The following NAF1 variants were observed in gnomAD, a reference collection of about 807,000 sequenced individuals.
NAF1 encodes the protein H/ACA ribonucleoprotein complex non-core subunit NAF1.
In NAF1, 11 loss-of-function variants were observed where a neutral mutation model predicts 40.6. That is an observed-to-expected ratio of 0.27 (90% CI 0.17 to 0.45). The LOEUF (loss-of-function observed/expected upper bound fraction) is 0.45. NAF1 is among the 20% of genes least tolerant of loss of function. The pLI is 1.00. For synonymous variants in NAF1, 260 were observed against 228.5 expected (o/e 1.14, Z -1.24); for missense variants, 607 against 611.1 (o/e 0.99, Z 0.07).
chr4:163,115,592 T>G (rs1462669857), intron 2 of NAF1, among the ~76,000 whole-genome samples: 1 of 152,106 alleles, frequency 6.6e-6, no homozygotes, highest in African/African-American at 2.4e-5. Context: ...ATAGTATTCT[T>G]AATTTTATTT....
At chr4:163,117,363 T>C (rs1002242130) in intron 2 of NAF1, 3 of 152,126 alleles carry the variant, frequency 2.0e-5, no homozygotes, top group African/African-American at 4.8e-5. Context: ...GACTGACCAA[T>C]AATAAGCACA....
At chr4:163,121,179 C>T (rs1730508852) in intron 2 of NAF1, among the ~76,000 whole-genome samples, 1 of 152,148 alleles carries the variant, frequency 6.6e-6, no homozygotes, top group Non-Finnish European at 1.5e-5. Context: ...GTGTGAGCCA[C>T]CCCGCCCAGC....
chr4:163,166,844 C>T lies in NAF1; in HGVS notation c.-117G>A. Reference sequence around the variant, plus strand: ...CCGCAGCAACACTGCCTGGGCCCAACTTCCCGCGTTTCTCAGGTAACTACA... The same window carrying T: ...CCGCAGCAACACTGCCTGGGCCCAATTTCCCGCGTTTCTCAGGTAACTACA... On this transcript the variant is annotated 5_prime_UTR_variant, in exon 1 of 8. Transcript: ENST00000274054. 1 of 1,383,596 alleles carries T rather than the reference C, an allele frequency of 7.2e-7. No homozygotes were observed. The allele number at this position is 1,383,596 out of a possible 1,614,324, so 85.7% of individuals were successfully genotyped here. A position where few individuals can be genotyped will look rare whatever the true frequency, so the allele number is the denominator to read the frequency against.
At chr4:163,153,608 C>A (rs1322676044) in intron 2 of NAF1, among the ~76,000 whole-genome samples, 1 of 152,118 alleles carries the variant, frequency 6.6e-6, no homozygotes, top group African/African-American at 2.4e-5. Context: ...TCTGGTGGGG[C>A]CTTGGAGAAC....
chr4:163,106,596 T>C (rs1730053326), downstream of NAF1, among the ~76,000 whole-genome samples: 1 of 148,782 alleles, frequency 6.7e-6, no homozygotes, highest in African/African-American at 2.5e-5. Context: ...CATTTTTTTA[T>C]TTCTGTATTT....
chr4:163,133,580 T>TGA, intron 6 of NAF1: 1 of 208,964 alleles, frequency 4.8e-6, no homozygotes. Flanking sequence ...CTAAGCAAAT[T>TGA]ATATATATTA....
intron 2 of NAF1, among the ~76,000 whole-genome samples, chr4:163,111,926 A>C (rs1470556549): frequency 6.6e-6 from 1 of 152,192 alleles, no homozygotes; most frequent in Non-Finnish European, 1.5e-5. Flanking sequence ...TATGATGAAG[A>C]CTGAGGTCAG....
intron 4 of NAF1, 99 bp from the exon 5 acceptor site, chr4:163,140,482 C>G: frequency 9.4e-7 from 1 of 1,062,872 alleles, no homozygotes; most frequent in East Asian, 2.5e-5. Flanking sequence ...ATTGCCAGAA[C>G]AAGGTAATTT....
chr4:163,145,915 A>C, intron 3 of NAF1, 51 bp from the exon 4 acceptor site: 1 of 942,422 alleles, frequency 1.1e-6, no homozygotes, highest in Non-Finnish European at 1.6e-6. Flanking sequence ...AGAATGTAGA[A>C]TTTTAATGAA....
At chr4:163,154,306 A>C (rs1731875201) in intron 2 of NAF1, among the ~76,000 whole-genome samples, 1 of 152,230 alleles carries the variant, frequency 6.6e-6, no homozygotes, top group African/African-American at 2.4e-5. Context: ...TGATAGTAAC[A>C]ACTCTACCTA....
chr4:163,115,198 A>C (rs1443076758), intron 2 of NAF1, among the ~76,000 whole-genome samples: 1 of 101,988 alleles, frequency 9.8e-6, no homozygotes, highest in Non-Finnish European at 2.0e-5. Flanking sequence ...ATAGGACAAT[A>C]ATTTTTTTAT....
At chr4:163,150,533 C>CA (rs1353058026) in intron 2 of NAF1, among the ~76,000 whole-genome samples, 2 of 152,068 alleles carry the variant, frequency 1.3e-5, no homozygotes, top group Non-Finnish European at 2.9e-5. Flanking sequence ...CTATAACAAA[C>CA]AAAAACATAT....
intron 2 of NAF1, among the ~76,000 whole-genome samples, chr4:163,155,285 C>G (rs763223328): frequency 5.9e-5 from 9 of 152,114 alleles, no homozygotes; most frequent in South Asian, 4.1e-4. Flanking sequence ...ACAATAAATC[C>G]AACCATAACT....
intron 3 of NAF1, among the ~76,000 whole-genome samples, chr4:163,146,776 GTCTCTATTAAAAA>G (rs1288840319): frequency 3.9e-5 from 6 of 152,132 alleles, no homozygotes; most frequent in South Asian, 2.1e-4. Context: ...GCAAGACCTT[GTCTCTATTAAAAA>G]TCTCTATTAA....
chr4:163,145,021 A>G (rs1446134129), intron 4 of NAF1, among the ~76,000 whole-genome samples: 2 of 152,216 alleles, frequency 1.3e-5, no homozygotes, highest in Non-Finnish European at 2.9e-5. Context: ...TTTACAAAGA[A>G]CTGTACTAGA....
intron 2 of NAF1, 63 bp from the exon 3 acceptor site, chr4:163,148,497 A>C: frequency 8.5e-7 from 1 of 1,181,070 alleles, no homozygotes. Flanking sequence ...AAAAAAAATA[A>C]ATTTTCCATT....
At chr4:163,160,461 A>G (rs766843527) in intron 2 of NAF1, among the ~76,000 whole-genome samples, 5 of 148,668 alleles carry the variant, frequency 3.4e-5, no homozygotes, top group African/African-American at 1.3e-4. Context: ...TTTAAGAACA[A>G]TCATAAAGTT....
chr4:163,109,653 C>A (rs1392700091), downstream of NAF1, among the ~76,000 whole-genome samples: 1 of 152,174 alleles, frequency 6.6e-6, no homozygotes, highest in African/African-American at 2.4e-5. Flanking sequence ...GATGATCTAA[C>A]CCTACCTCAC....
At chr4:163,106,569 T>C (rs985158700), downstream of NAF1, among the ~76,000 whole-genome samples, 1 of 126,098 alleles carries the variant, frequency 7.9e-6, no homozygotes, top group African/African-American at 3.0e-5. Context: ...ACTGAAATAA[T>C]ATGAATAGTA....
Sources: gnomAD v4.1 joint callset for allele counts (sites outside exome capture counted in the v4.1 genomes callset) on GRCh38, gnomAD v4.1.1 for gene constraint, MANE v1.5 for transcripts, NCBI Gene and HGNC (gene_info 2026-07-23, HGNC 2026-07-21) for gene names.